Variants in AFG2A observed in about 807,000 individuals in gnomAD.
AFG2A encodes the protein ATPase family gene 2 protein homolog A.
the AFG2A span, among the ~76,000 whole-genome samples, chr4:123,287,845 A>G: frequency 4.6e-5 from 7 of 152,152 alleles, no homozygotes. Flanking sequence ...GCCATGGAAA[A>G]CCTTGCCGAG....
chr4:123,224,737 GGC>G, the AFG2A span, among the ~76,000 whole-genome samples: 2 of 152,146 alleles, frequency 1.3e-5, no homozygotes, highest in Admixed American at 1.3e-4. Context: ...GTAATGGGAT[GGC>G]TGGGTCAAAT....
At chr4:123,073,740 G>C in the AFG2A span, among the ~76,000 whole-genome samples, 1 of 152,138 alleles carries the variant, frequency 6.6e-6, no homozygotes, top group South Asian at 2.1e-4. Context: ...TAAAGAAAAG[G>C]AAAGGCAAAA....
chr4:123,073,045 T>C, the AFG2A span, among the ~76,000 whole-genome samples: 1 of 152,140 alleles, frequency 6.6e-6, no homozygotes, highest in Non-Finnish European at 1.5e-5. Flanking sequence ...TTGACACTTT[T>C]TGTGTGATGA....
the AFG2A span, among the ~76,000 whole-genome samples, chr4:123,160,847 G>A: frequency 6.6e-6 from 1 of 151,656 alleles, no homozygotes; most frequent in Non-Finnish European, 1.5e-5. Flanking sequence ...TACCTATGAT[G>A]ACATTTAATT....
chr4:123,152,580 A>G, the AFG2A span, among the ~76,000 whole-genome samples: 2 of 152,236 alleles, frequency 1.3e-5, no homozygotes, highest in Non-Finnish European at 2.9e-5. Flanking sequence ...ACTTGTTAGA[A>G]TGGTCAAATT....
the AFG2A span, among the ~76,000 whole-genome samples, chr4:123,249,687 G>A: frequency 6.6e-6 from 1 of 152,162 alleles, no homozygotes; most frequent in Non-Finnish European, 1.5e-5. Context: ...TGAGCTTACA[G>A]TGTTGAATAA....
At chr4:123,283,415 G>A in the AFG2A span, among the ~76,000 whole-genome samples, 3 of 151,860 alleles carry the variant, frequency 2.0e-5, no homozygotes, top group African/African-American at 7.3e-5. Context: ...GGGAGAATCT[G>A]CTGTATGTTC....
At chr4:123,231,285 C>A in the AFG2A span, among the ~76,000 whole-genome samples, 1 of 151,988 alleles carries the variant, frequency 6.6e-6, no homozygotes, top group African/African-American at 2.4e-5. Context: ...AAATAACTTG[C>A]TGCAATTTCT....
At chr4:123,159,032 TAG>T in the AFG2A span, among the ~76,000 whole-genome samples, 1 of 152,188 alleles carries the variant, frequency 6.6e-6, no homozygotes, top group Non-Finnish European at 1.5e-5. Flanking sequence ...TAACATGGAT[TAG>T]AGAGTGTTTA....
the AFG2A span, among the ~76,000 whole-genome samples, chr4:123,046,182 A>G: frequency 7.9e-5 from 12 of 152,182 alleles, no homozygotes; most frequent in South Asian, 1.9e-3. Flanking sequence ...ATGGGATCAT[A>G]AATTCCTTTC....
At chr4:123,229,290 T>C in the AFG2A span, among the ~76,000 whole-genome samples, 1 of 151,990 alleles carries the variant, frequency 6.6e-6, no homozygotes, top group African/African-American at 2.4e-5. Flanking sequence ...GTGAATAATC[T>C]GTTAGCCAGA....
At chr4:123,093,116 A>T in the AFG2A span, among the ~76,000 whole-genome samples, 1 of 152,142 alleles carries the variant, frequency 6.6e-6, no homozygotes, top group Non-Finnish European at 1.5e-5. Context: ...CAGCCCCAGA[A>T]TTGGGACATA....
the AFG2A span, chr4:122,938,197 T>TG: frequency 1.2e-6 from 2 of 1,610,040 alleles, no homozygotes; most frequent in Non-Finnish European, 1.7e-6. Flanking sequence ...CAGAATGAAG[T>TG]GGAAAAAAGA....
At chr4:123,213,328 T>C in the AFG2A span, among the ~76,000 whole-genome samples, 2 of 152,278 alleles carry the variant, frequency 1.3e-5, no homozygotes, top group East Asian at 3.9e-4. Context: ...ATTTTATACA[T>C]ACATGCTCAT....
At chr4:123,096,452 T>C in the AFG2A span, among the ~76,000 whole-genome samples, 2 of 152,100 alleles carry the variant, frequency 1.3e-5, no homozygotes, top group African/African-American at 4.8e-5. Context: ...TAACAACTGC[T>C]GTGTGGCCCC....
chr4:123,244,472 G>A, the AFG2A span, among the ~76,000 whole-genome samples: 5 of 152,292 alleles, frequency 3.3e-5, no homozygotes, highest in African/African-American at 1.2e-4. Context: ...ACCACTCGGC[G>A]TCACCACTGT....
chr4:123,126,994 G>A, the AFG2A span, among the ~76,000 whole-genome samples: 1 of 152,262 alleles, frequency 6.6e-6, no homozygotes, highest in African/African-American at 2.4e-5. Context: ...CCTGGGGCAG[G>A]AGGATCACTT....
the AFG2A span, among the ~76,000 whole-genome samples, chr4:123,019,284 A>AT: frequency 0.83 from 123,985 of 149,186 alleles, 52,426 homozygotes; most frequent in East Asian, 0.95. Flanking sequence ...ACCCAAGACC[A>AT]TTTTTTTTTT....
chr4:123,095,194 T>G, the AFG2A span, among the ~76,000 whole-genome samples: 46 of 151,326 alleles, frequency 3.0e-4, no homozygotes, highest in African/African-American at 1.1e-3. Flanking sequence ...TATTCTGTAG[T>G]TATGGTGGGG....
Sources: gnomAD v4.1 joint callset for allele counts (sites outside exome capture counted in the v4.1 genomes callset) on GRCh38, gnomAD v4.1.1 for gene constraint, MANE v1.5 for transcripts, NCBI Gene and HGNC (gene_info 2026-07-23, HGNC 2026-07-21) for gene names.